Variants in HPS4 observed in about 807,000 individuals in gnomAD.
The protein encoded by HPS4 is HPS4 biogenesis of lysosomal organelles complex 3 subunit 2, also known as BLOC-3 complex member HPS4.
Under a neutral mutation model 70.3 loss-of-function variants are expected in HPS4, and 44 were observed. The ratio of observed to expected loss-of-function variants is 0.63; its 90% confidence interval spans 0.49 to 0.80. The LOEUF (loss-of-function observed/expected upper bound fraction) is 0.80, where lower values mean the gene tolerates loss of function less well. Ranked by LOEUF, HPS4 falls within the 30% of genes least tolerant of loss-of-function variation. The pLI, the probability that HPS4 is intolerant of heterozygous loss-of-function variation, is 0.00. For synonymous variants in HPS4, 377 were observed against 355.9 expected, an observed-to-expected ratio of 1.06 and a Z score of -0.67; for missense variants, 873 against 884.4, an observed-to-expected ratio of 0.99 and a Z score of 0.16.
At chr22:26,477,820 G>C (rs938633487) in intron 3 of HPS4, among the ~76,000 whole-genome samples, 6 of 152,104 alleles carry the variant, frequency 3.9e-5, no homozygotes, top group Admixed American at 3.3e-4. Context: ...CTAGAGTGTG[G>C]GACATTCTAA....
chr22:26,453,501 G>A, intron 13 of HPS4, 97 bp from the exon 14 acceptor site: 3 of 1,325,092 alleles, frequency 2.3e-6, no homozygotes, highest in Non-Finnish European at 3.3e-6. Flanking sequence ...AGAGGACCCA[G>A]GACACCCAAT....
In HPS4 at chr22:26,457,209, A is replaced by T. The variant is rs896542153; in HGVS notation, c.1955+650T>A. Among the ~76,000 whole-genome samples the T allele has an allele frequency of 2.4e-5, 3 of 125,886 alleles. No individual in the cohort carries two copies. In the East Asian group the frequency reaches 6.8e-4, roughly 28 times the overall value. The allele number at this position is 125,886 out of a possible 152,430, so 82.6% of individuals were successfully genotyped here. ...CATGACTGTATGATCAGCACGTATT[A>T]CTTTTTTTTTTTTTTTTTTTTTTCT... is the stretch of plus-strand genomic sequence containing the variant. On this transcript the variant is annotated intron_variant, in intron 13 of 13. Coordinates refer to ENST00000398145, the MANE Select transcript of HPS4 (RefSeq NM_022081.6).
At chr22:26,480,238 T>A (rs770278516) in intron 2 of HPS4, among the ~76,000 whole-genome samples, 25 of 152,284 alleles carry the variant, frequency 1.6e-4, no homozygotes, top group Non-Finnish European at 1.9e-4. Flanking sequence ...GTGGTGCGAT[T>A]GCGGTTCAGT....
intron 1 of HPS4, 78 bp downstream of exon 1, chr22:26,483,596 A>G (rs3747135): frequency 0.12 from 30,625 of 246,772 alleles, 2,304 homozygotes; most frequent in Non-Finnish European, 0.16. Context: ...ACGCCTAAGG[A>G]TTAGGCGGGG....
At chr22:26,470,959 G>A in intron 6 of HPS4, 146 bp from the exon 7 acceptor site, 1 of 1,519,896 alleles carries the variant, frequency 6.6e-7, no homozygotes, top group East Asian at 2.5e-5. Context: ...TGAAAGCTGT[G>A]CCATGGCTTG....
At chr22:26,465,092 G>A (rs867748770) in intron 10 of HPS4, among the ~76,000 whole-genome samples, 3 of 152,184 alleles carry the variant, frequency 2.0e-5, no homozygotes, top group Admixed American at 1.3e-4. Context: ...GGTCTCCTAC[G>A]CATCAGGCCC....
chr22:26,443,198 G>A, downstream of HPS4: 1 of 1,613,980 alleles, frequency 6.2e-7, no homozygotes, highest in Admixed American at 1.7e-5. Context: ...CTTTGCTCCG[G>A]GACGATGAGA....
chr22:26,477,645 C>A (rs1306989515), intron 3 of HPS4, among the ~76,000 whole-genome samples: 1 of 152,140 alleles, frequency 6.6e-6, no homozygotes, highest in African/African-American at 2.4e-5. Context: ...GACAGCCAGA[C>A]AGTATGGGAT....
intron 1 of HPS4, among the ~76,000 whole-genome samples, 190 bp from the exon 2 acceptor site, chr22:26,482,430 C>A (rs2091377429): frequency 6.6e-6 from 1 of 152,158 alleles, no homozygotes; most frequent in Non-Finnish European, 1.5e-5. Flanking sequence ...AAGGGAAACA[C>A]ACCACAAGCT....
chr22:26,456,368 A>T (rs573045258), intron 13 of HPS4, among the ~76,000 whole-genome samples: 1 of 152,362 alleles, frequency 6.6e-6, no homozygotes, highest in East Asian at 1.9e-4. Flanking sequence ...GGATTTAAAA[A>T]ATGCCCTTGA....
At chr22:26,457,774 A>G in intron 13 of HPS4, 85 bp downstream of exon 13, 1 of 959,794 alleles carries the variant, frequency 1.0e-6, no homozygotes, top group South Asian at 1.3e-5. Flanking sequence ...TCTACTTAGG[A>G]ATAAGGCGCT....
chr22:26,443,849 C>A (rs927918557), downstream of HPS4: 2 of 152,234 alleles, frequency 1.3e-5, no homozygotes, highest in African/African-American at 4.8e-5. Context: ...CATTCTAAAC[C>A]TTGTCAGGTC....
intron 12 of HPS4, among the ~76,000 whole-genome samples, 193 bp from the exon 13 acceptor site, chr22:26,458,160 G>A (rs999727349): frequency 1.3e-5 from 2 of 152,266 alleles, no homozygotes; most frequent in African/African-American, 2.4e-5. Context: ...CGGTTTCTGC[G>A]TGTGGATCTC....
intron 11 of HPS4, 61 bp downstream of exon 11, chr22:26,463,856 G>A (rs886490917): frequency 2.6e-6 from 4 of 1,548,904 alleles, no homozygotes; most frequent in Non-Finnish European, 3.5e-6. Flanking sequence ...AGTGCTGTGA[G>A]GGAAGCACAG....
chr22:26,449,091 C>A (rs1275247376), downstream of HPS4, among the ~76,000 whole-genome samples: 1 of 152,136 alleles, frequency 6.6e-6, no homozygotes, highest in Non-Finnish European at 1.5e-5. Flanking sequence ...TCCTTCAGGG[C>A]AGGAATCTAT....
rs145481980 is a variant in HPS4 at position 26,458,544 on chromosome 22, C to T, written c.1747G>A (p.Glu583Lys). 2.3e-4 allele frequency: 366 copies of T among 1,614,170 alleles called. 4 individuals are homozygous for T. The highest frequency in any genetic ancestry group is 3.3e-4 in the Middle Eastern group (2 of 6,062). Residue 583 changes from glutamate (E) to lysine (K), a missense_variant, in exon 12 of 14, where the codon GAA (glutamate) becomes AAA (lysine). Glu to Lys is a moderately conservative substitution (Grantham distance 56, BLOSUM62 1). Transcript: ENST00000398145. ...GGCAGCGTCTCTTTCAGGTGGACTTCCAGCCCATTCAGTGAAGCCAGGCTG... is the reference window on the plus strand; with the variant it reads ...GGCAGCGTCTCTTTCAGGTGGACTTTCAGCCCATTCAGTGAAGCCAGGCTG... ...HSSLASLNGL[E>K]VHLKETLPRD...
downstream of HPS4, among the ~76,000 whole-genome samples, chr22:26,446,430 A>G (rs569473297): frequency 6.6e-6 from 1 of 152,196 alleles, no homozygotes; most frequent in South Asian, 2.1e-4. Context: ...CTGGTCCTTG[A>G]CTGTGGCTGC....
At chr22:26,464,918 G>C (rs1427338021) in intron 10 of HPS4, 92 bp from the exon 11 acceptor site, 1 of 1,228,600 alleles carries the variant, frequency 8.1e-7, no homozygotes, top group African/African-American at 1.5e-5. Flanking sequence ...CAGGCATCAA[G>C]GACAAGGGGG....
chr22:26,480,240 C>A (rs905886568), intron 2 of HPS4, among the ~76,000 whole-genome samples: 1 of 152,154 alleles, frequency 6.6e-6, no homozygotes, highest in Non-Finnish European at 1.5e-5. Flanking sequence ...GGTGCGATTG[C>A]GGTTCAGTGC....
Sources: allele counts gnomAD v4.1 joint callset (sites outside exome capture counted in the v4.1 genomes callset), GRCh38; gene constraint gnomAD v4.1.1; transcripts MANE v1.5; gene names NCBI Gene and HGNC (gene_info 2026-07-23, HGNC 2026-07-21).